DCDC1: variants seen among roughly 807,000 people sequenced by gnomAD.
DCDC1 encodes doublecortin domain containing 1.
A neutral mutation model predicts 178.3 loss-of-function variants in DCDC1; 200 were observed. That is an observed-to-expected ratio of 1.12 (90% CI 1.00 to 1.26). The LOEUF (loss-of-function observed/expected upper bound fraction) is 1.26. DCDC1 is among the 50% of genes most tolerant of loss of function. The probability of loss-of-function intolerance (pLI) is 0.00; values close to 1 mark genes in which losing one functional copy is unlikely to be tolerated. For synonymous variants in DCDC1, 690 were observed against 604.8 expected (o/e 1.14, Z -2.07); for missense variants, 1,983 against 1,749.2 (o/e 1.13, Z -2.38).
chr11:31,155,389 G>A (rs542212803), intron 9 of DCDC1, among the ~76,000 whole-genome samples: 2 of 152,176 alleles, frequency 1.3e-5, no homozygotes, highest in African/African-American at 2.4e-5. Flanking sequence ...AGTACTGTAG[G>A]GGGGAAGAGT....
chr11:31,147,354 G>C (rs1964559389), intron 9 of DCDC1, among the ~76,000 whole-genome samples: 5 of 151,974 alleles, frequency 3.3e-5, no homozygotes, highest in Admixed American at 3.3e-4. Context: ...GGTTTTTCTT[G>C]AGAGAAAAAT....
chr11:31,182,937 G>T (rs1969001843), intron 9 of DCDC1, among the ~76,000 whole-genome samples: 1 of 148,662 alleles, frequency 6.7e-6, no homozygotes, highest in Non-Finnish European at 1.5e-5. Flanking sequence ...CAAAAAAAAA[G>T]CAGGGGTTGC....
At chr11:31,304,113 G>C (rs1222244907) in intron 6 of DCDC1, among the ~76,000 whole-genome samples, 1 of 152,146 alleles carries the variant, frequency 6.6e-6, no homozygotes. Context: ...AAAGTAGGAG[G>C]AAATTAGTTA....
intron 17 of DCDC1, among the ~76,000 whole-genome samples, chr11:31,082,148 G>A (rs535785997): frequency 6.6e-6 from 1 of 152,072 alleles, no homozygotes; most frequent in Admixed American, 6.5e-5. Context: ...GAAAATGGAG[G>A]AGCTATATTC....
At chr11:31,018,774 A>G (rs1168983406) in intron 20 of DCDC1, among the ~76,000 whole-genome samples, 1 of 152,194 alleles carries the variant, frequency 6.6e-6, no homozygotes, top group Non-Finnish European at 1.5e-5. Context: ...GACTTTTTCC[A>G]CATCCTGACA....
At chr11:31,315,710 T>A (rs1471848876) in intron 3 of DCDC1, among the ~76,000 whole-genome samples, 3 of 126,076 alleles carry the variant, frequency 2.4e-5, no homozygotes, top group African/African-American at 1.0e-4. Flanking sequence ...ATTGTGCAGG[T>A]TAGTTACATA....
chr11:31,332,451 G>C (rs374982751), intron 2 of DCDC1, among the ~76,000 whole-genome samples: 1 of 152,068 alleles, frequency 6.6e-6, no homozygotes, highest in Non-Finnish European at 1.5e-5. Context: ...TGCTTCTCTA[G>C]TTCTTTTAAT....
intron 18 of DCDC1, among the ~76,000 whole-genome samples, chr11:31,065,419 T>A (rs1956189035): frequency 6.6e-6 from 1 of 152,206 alleles, no homozygotes; most frequent in Non-Finnish European, 1.5e-5. Context: ...AACAATCTTA[T>A]ACATTAATAA....
At chr11:30,888,128 AAG>A (rs762093612) in intron 36 of DCDC1, among the ~76,000 whole-genome samples, 20 of 137,554 alleles carry the variant, frequency 1.5e-4, no homozygotes, top group Admixed American at 7.0e-4. Context: ...GAAAGAAAGA[AAG>A]AAAGAAAGAA....
At chr11:31,209,707 T>C (rs1972272354) in intron 9 of DCDC1, among the ~76,000 whole-genome samples, 1 of 152,104 alleles carries the variant, frequency 6.6e-6, no homozygotes, top group South Asian at 2.1e-4. Flanking sequence ...GACTGAGTAG[T>C]AAGAAATTTA....
intron 3 of DCDC1, among the ~76,000 whole-genome samples, chr11:31,312,414 A>G (rs1220805128): frequency 6.6e-6 from 1 of 152,178 alleles, no homozygotes; most frequent in Non-Finnish European, 1.5e-5. Flanking sequence ...AATTTTATGT[A>G]TCAACTTGAC....
chr11:31,356,536 C>G (rs1191942331), intron 1 of DCDC1, among the ~76,000 whole-genome samples: 2 of 151,306 alleles, frequency 1.3e-5, no homozygotes, highest in African/African-American at 4.9e-5. Flanking sequence ...ACTAGAAAAG[C>G]AAGAGCAAAC....
rs375380625 is a variant in DCDC1, at chr11:30,881,286, C to G, written c.5105G>C (p.Arg1702Pro). ...ISELLQDCSSRLKMTHPARAL... is the reference protein window; with the variant it reads ...ISELLQDCSSPLKMTHPARAL... ...TCTAGCTGGGTGGGTCATTTTGAGA[C>G]GAGAGGAGCAGTCTTGCAGCAGCTG... Residue 1702 changes from arginine (R) to proline (P), a missense_variant, in exon 37 of 39, where the codon CGT (arginine) becomes CCT (proline). Arg to Pro is a moderately radical substitution (Grantham distance 103, BLOSUM62 -2). Coordinates refer to ENST00000684477, the MANE Select transcript of DCDC1 (RefSeq NM_001387274.1). 1.9e-6 allele frequency: 3 copies of G among 1,613,232 alleles called. No individual in the cohort carries two copies. The highest frequency in any genetic ancestry group is 2.5e-6 in the Non-Finnish European group (3 of 1,179,472).
chr11:30,912,791 G>A (rs1945537479), intron 27 of DCDC1, among the ~76,000 whole-genome samples: 1 of 151,996 alleles, frequency 6.6e-6, no homozygotes, highest in Non-Finnish European at 1.5e-5. Flanking sequence ...TCAGCCATAG[G>A]GTGATATATA....
At chr11:31,059,489 G>A (rs887123356) in intron 20 of DCDC1, among the ~76,000 whole-genome samples, 4 of 152,038 alleles carry the variant, frequency 2.6e-5, no homozygotes, top group Non-Finnish European at 5.9e-5. Flanking sequence ...GCTTAAAGCT[G>A]AGTATCTTCA....
At chr11:30,968,526 C>T (rs1313208167) in intron 20 of DCDC1, among the ~76,000 whole-genome samples, 1 of 150,876 alleles carries the variant, frequency 6.6e-6, no homozygotes, top group Admixed American at 6.6e-5. Context: ...TATAATTGTT[C>T]TATTTTATTA....
rs190008501 is a variant in DCDC1, at chr11:31,364,065, A to C, written c.-125+5632T>G. Among the ~76,000 whole-genome samples the C allele has an allele frequency of 3.4e-3, 516 of 152,312 alleles. 9 individuals are homozygous for C. The highest frequency in any genetic ancestry group is 0.032 in the Admixed American group (487 of 15,290). On this transcript the variant is annotated intron_variant, in intron 1 of 38. Transcript: ENST00000684477. The stretch of plus-strand genomic sequence containing the variant: ...TGCACTCTCTGAGGGTAAACAACCA[A>C]TACTCTATGGTGTAGTGTGTGCTAC...
At chr11:31,273,292 G>A (rs1945721128) in intron 7 of DCDC1, among the ~76,000 whole-genome samples, 1 of 152,126 alleles carries the variant, frequency 6.6e-6, no homozygotes, top group African/African-American at 2.4e-5. Context: ...AAACTTTTAT[G>A]CTCTGCTTCC....
Position 30,878,692 on chromosome 11 carries a change from C to T in DCDC1, c.5253G>A (p.Glu1751=). The T allele has an allele frequency of 1.3e-6, 2 of 1,584,576 alleles. No homozygotes were observed. Among genetic ancestry groups the T allele is most frequent in the Non-Finnish European group, 1.7e-6 (2 of 1,169,328 alleles). The change falls in exon 38 of 39, where the codon GAG becomes GAA. Residue 1751 remains glutamate (E), a synonymous_variant. Transcript: ENST00000684477. The stretch of plus-strand genomic sequence containing the variant: ...GGATTCTGGCATAATTTGCTCTGAT[C>T]TCCATCAGTTGTTTTAACTCTGTTA... ...KTPKELKQLM[E]IRANYARIRR...
Sources: allele counts gnomAD v4.1 joint callset (sites outside exome capture counted in the v4.1 genomes callset), GRCh38; gene constraint gnomAD v4.1.1; transcripts MANE v1.5; gene names NCBI Gene and HGNC (gene_info 2026-07-23, HGNC 2026-07-21).